Variants in IGF2BP1 observed in about 807,000 individuals in gnomAD.
IGF2BP1 encodes the protein insulin like growth factor 2 mRNA binding protein 1, also known as insulin-like growth factor 2 mRNA-binding protein 1.
A neutral mutation model predicts 74.9 loss-of-function variants in IGF2BP1; 11 were observed. The ratio of observed to expected loss-of-function variants is 0.15; its 90% CI spans 0.09 to 0.24. IGF2BP1 has a LOEUF of 0.24. Ranked by LOEUF, IGF2BP1 falls within the 10% of genes least tolerant of loss-of-function variation. The pLI is 1.00. For synonymous variants in IGF2BP1, 287 were observed against 281.8 expected, an observed-to-expected ratio of 1.02 and a Z score of -0.18; for missense variants, 440 against 757.4, an observed-to-expected ratio of 0.58 and a Z score of 4.92.
intron 2 of IGF2BP1, among the ~76,000 whole-genome samples, chr17:49,016,322 C>G (rs999103356): frequency 4.6e-5 from 7 of 152,216 alleles, no homozygotes; most frequent in African/African-American, 1.7e-4. Flanking sequence ...GAGGCTTACC[C>G]CTTTCCTTTC....
At position 49,055,763 on chromosome 17, in the gene IGF2BP1, T is replaced by G. The variant is rs1211055813; in HGVS notation, c.*6319T>G. On this transcript the variant is annotated 3_prime_UTR_variant, in exon 15 of 15. Coordinates refer to ENST00000290341, the MANE Select transcript of IGF2BP1 (RefSeq NM_006546.4). ...TTTGTAAGCAGTTCTGAAACATCAC[T>G]TACTCAGAAGAGGGAACGATGTATT... 2.5e-6 allele frequency: 1 copy of G among 397,364 alleles called. No individual in the cohort carries two copies. Among genetic ancestry groups the G allele is most frequent in the Non-Finnish European group, 4.4e-6 (1 of 225,610 alleles). The allele number at this position is 397,364 out of a possible 1,614,324, so 24.6% of individuals were successfully genotyped here.
At chr17:49,018,970 C>T (rs969187029) in intron 2 of IGF2BP1, among the ~76,000 whole-genome samples, 1 of 152,078 alleles carries the variant, frequency 6.6e-6, no homozygotes, top group Non-Finnish European at 1.5e-5. Context: ...TGACAGGGGC[C>T]CTAGGGGAAT....
At position 49,043,534 on chromosome 17, in the gene IGF2BP1, C is replaced by G; in HGVS notation, c.1184C>G (p.Pro395Arg). 6.2e-7 allele frequency: 1 copy of G among 1,614,086 alleles called. No individual in the cohort carries two copies. Among genetic ancestry groups the G allele is most frequent in the Non-Finnish European group, 8.5e-7 (1 of 1,179,984 alleles). ...PPPSSVTGAA[P>R]YSSFMQAPEQ... Reference sequence around the variant, plus strand: ...CCCAGCAGCGTTACTGGGGCTGCTCCCTATAGCTCCTTTATGGTAGGTGGA... The same window carrying G: ...CCCAGCAGCGTTACTGGGGCTGCTCGCTATAGCTCCTTTATGGTAGGTGGA... Residue 395 changes from proline to arginine, a missense_variant, in exon 10 of 15, where the codon CCC becomes CGC. This residue lies in a region of IGF2BP1 where 31 missense variants were observed against 27.0 expected (regional missense o/e 1.15). Transcript: ENST00000290341.
intron 6 of IGF2BP1, among the ~76,000 whole-genome samples, chr17:49,039,140 T>C (rs570805585): frequency 7.5e-4 from 114 of 152,134 alleles, no homozygotes; most frequent in African/African-American, 2.6e-3. Flanking sequence ...CCTCCCAAAG[T>C]GCTGGGATTA....
intron 2 of IGF2BP1, among the ~76,000 whole-genome samples, chr17:49,004,382 C>G (rs1472169162): frequency 6.6e-6 from 1 of 152,034 alleles, no homozygotes; most frequent in African/African-American, 2.4e-5. Context: ...AGGCAAAAAG[C>G]CAGTGGGTAA....
At chr17:49,017,397 A>G (rs1188916037) in intron 2 of IGF2BP1, among the ~76,000 whole-genome samples, 1 of 152,168 alleles carries the variant, frequency 6.6e-6, no homozygotes. Context: ...TCCAATAGAA[A>G]TGCAATGTGA....
chr17:49,043,581 CT>C, intron 10 of IGF2BP1, 31 bp downstream of exon 10: 2 of 1,610,758 alleles, frequency 1.2e-6, no homozygotes, highest in Middle Eastern at 1.7e-4. Flanking sequence ...CACGGGATCC[CT>C]GGGCCCATAT....
At chr17:49,044,419 C>T (rs1400841933) in intron 11 of IGF2BP1, among the ~76,000 whole-genome samples, 1 of 152,158 alleles carries the variant, frequency 6.6e-6, no homozygotes, top group Non-Finnish European at 1.5e-5. Context: ...CCTCACTTTC[C>T]TCGTCAGTAC....
chr17:48,999,333 T>C (rs914945240), intron 2 of IGF2BP1, among the ~76,000 whole-genome samples, 164 bp downstream of exon 2: 10 of 142,532 alleles, frequency 7.0e-5, no homozygotes, highest in African/African-American at 1.9e-4. Flanking sequence ...GCCAAGATCT[T>C]GTAATGGGTG....
intron 2 of IGF2BP1, among the ~76,000 whole-genome samples, chr17:49,009,737 G>A (rs1010391529): frequency 6.6e-6 from 1 of 150,888 alleles, no homozygotes; most frequent in African/African-American, 2.4e-5. Flanking sequence ...CGTAAAATAT[G>A]CAAAAAGCTA....
intron 14 of IGF2BP1, among the ~76,000 whole-genome samples, chr17:49,048,019 G>A (rs139078427): frequency 5.7e-4 from 86 of 151,970 alleles, no homozygotes; most frequent in African/African-American, 2.1e-3. Flanking sequence ...CCCAGCCTCA[G>A]CTGCTTCTTT....
At position 49,041,402 on chromosome 17, in the gene IGF2BP1, C is replaced by G. The variant is rs374870420; in HGVS notation, c.843C>G (p.Ile281Met). The G allele has an allele frequency of 1.2e-6, 2 of 1,614,006 alleles. No homozygotes were observed. Among genetic ancestry groups the G allele is most frequent in the Non-Finnish European group, 1.7e-6 (2 of 1,180,006 alleles). ...TKTADEVPLK[I>M]LAHNNFVGRL... ...GGGCTGACGAGGTTCCCCTGAAGATCCTGGCCCATAATAACTTTGTAGGGC... is the reference window on the plus strand; with the variant it reads ...GGGCTGACGAGGTTCCCCTGAAGATGCTGGCCCATAATAACTTTGTAGGGC... Residue 281 changes from isoleucine (I) to methionine (M), a missense_variant, in exon 8 of 15, where the codon ATC becomes ATG. Coordinates refer to ENST00000290341, the MANE Select transcript of IGF2BP1 (RefSeq NM_006546.4).
At position 49,055,561 on chromosome 17, in the gene IGF2BP1, A is replaced by G. The variant is rs553124813; in HGVS notation, c.*6117A>G. 63 of 398,156 alleles carry G rather than the reference A, an allele frequency of 1.6e-4. No individual in the cohort carries two copies. The highest frequency in any genetic ancestry group is 2.2e-4 in the Non-Finnish European group (50 of 225,928). The allele number at this position is 398,156 out of a possible 1,614,324, so 24.7% of individuals were successfully genotyped here. A position where few individuals can be genotyped will look rare whatever the true frequency, so the allele number is the denominator to read the frequency against. ...CTTGTAACATTTCTGTGCAGATTTTATGTTAGCCACTGCTATGTAAAAGCA... is the reference window on the plus strand; with the variant it reads ...CTTGTAACATTTCTGTGCAGATTTTGTGTTAGCCACTGCTATGTAAAAGCA... On this transcript the variant is annotated 3_prime_UTR_variant, in exon 15 of 15. Transcript: ENST00000290341.
Position 49,055,387 on chromosome 17 carries a change from C to T in IGF2BP1, c.*5943C>T, listed in dbSNP as rs1383379772. ...TTCCTGCCAGTGAGTCCTTCCTGTG[C>T]TTCTCTCCCTTCTCCCCTCCCAGCC... On this transcript the variant is annotated 3_prime_UTR_variant, in exon 15 of 15. Coordinates refer to ENST00000290341, the MANE Select transcript of IGF2BP1 (RefSeq NM_006546.4). The T allele has an allele frequency of 1.4e-5, 5 of 352,268 alleles. No individual in the cohort carries two copies. Among genetic ancestry groups the T allele is most frequent in the Non-Finnish European group, 2.5e-5 (5 of 196,674 alleles). 21.8% of individuals were successfully genotyped at this position (352,268 alleles called of 1,614,324 possible).
chr17:49,048,807 G>A (rs892634586), intron 14 of IGF2BP1, among the ~76,000 whole-genome samples: 2 of 152,012 alleles, frequency 1.3e-5, no homozygotes, highest in African/African-American at 4.8e-5. Context: ...CGAGGGATGC[G>A]CAGTGCATGT....
chr17:49,039,309 G>A (rs2042023186), intron 6 of IGF2BP1, among the ~76,000 whole-genome samples: 1 of 152,074 alleles, frequency 6.6e-6, no homozygotes, highest in Non-Finnish European at 1.5e-5. Flanking sequence ...TTGTTTCAAG[G>A]GGGACATACG....
chr17:49,051,336 C>T lies in IGF2BP1; in HGVS notation c.*1892C>T, dbSNP rs1412812013. On this transcript the variant is annotated 3_prime_UTR_variant, in exon 15 of 15. Coordinates refer to ENST00000290341, the MANE Select transcript of IGF2BP1 (RefSeq NM_006546.4). ...TAGGAACTCTCTATGGAGAACAGGC[C>T]TGGTGGGAAAGGCTTTGGGGGCTGC... is the stretch of plus-strand genomic sequence containing the variant. 1 of 152,596 alleles carries T rather than the reference C, an allele frequency of 6.6e-6. No homozygotes were observed. The highest frequency in any genetic ancestry group is 1.5e-5 in the Non-Finnish European group (1 of 68,062). The allele number at this position is 152,596 out of a possible 1,614,324, so 9.5% of individuals were successfully genotyped here.
At chr17:49,041,651 T>A in intron 8 of IGF2BP1, 151 bp downstream of exon 8, 1 of 1,097,448 alleles carries the variant, frequency 9.1e-7, no homozygotes, top group Non-Finnish European at 1.3e-6. Flanking sequence ...AAAGAGCATT[T>A]AAAAAATCCC....
In IGF2BP1 at chr17:49,055,419, C is replaced by T. The variant is rs2042216211; in HGVS notation, c.*5975C>T. 1 of 373,356 alleles carries T rather than the reference C, an allele frequency of 2.7e-6. No homozygotes were observed. Among genetic ancestry groups the T allele is most frequent in the Admixed American group, 4.6e-5 (1 of 21,816 alleles). The allele number at this position is 373,356 out of a possible 1,614,324, so 23.1% of individuals were successfully genotyped here. The stretch of plus-strand genomic sequence containing the variant: ...CCCTTCTCCCCTCCCAGCCAGCTGA[C>T]TTCAGTCACCCCTGTCCCCCCTCCC... On this transcript the variant is annotated 3_prime_UTR_variant, in exon 15 of 15. Coordinates refer to ENST00000290341, the MANE Select transcript of IGF2BP1 (RefSeq NM_006546.4).
Sources: gnomAD v4.1 joint callset for allele counts (sites outside exome capture counted in the v4.1 genomes callset) on GRCh38, gnomAD v4.1.1 for gene constraint, gnomAD v4.1.1 regional missense constraint, MANE v1.5 for transcripts, NCBI Gene and HGNC (gene_info 2026-07-23, HGNC 2026-07-21) for gene names.